KAZN: variants seen among roughly 807,000 people sequenced by gnomAD.
The protein encoded by KAZN is kazrin, periplakin interacting protein.
A neutral mutation model predicts 87.4 loss-of-function variants in KAZN; 40 were observed. That is an observed-to-expected ratio of 0.46 (90% CI 0.36 to 0.60). KAZN has a LOEUF of 0.60. KAZN is among the 20% of genes least tolerant of loss of function. The pLI is 0.00. For missense variants in KAZN, 898 were observed against 1,073.9 expected (o/e 0.84, Z 2.29); for synonymous variants, 466 against 458.3 (o/e 1.02, Z -0.22).
intron 1 of KAZN, among the ~76,000 whole-genome samples, chr1:14,757,911 A>C (rs1417375980): frequency 6.6e-6 from 1 of 152,118 alleles, no homozygotes; most frequent in Non-Finnish European, 1.5e-5. Context: ...GGAGGGAGGA[A>C]AGAGAGAGGG....
At chr1:14,412,084 G>A (rs2101200390) in intron 2 of KAZN, among the ~76,000 whole-genome samples, 1 of 152,236 alleles carries the variant, frequency 6.6e-6, no homozygotes, top group Admixed American at 6.5e-5. Context: ...CCTGTAACTT[G>A]ATGTTCATTC....
rs78728047 is a variant in KAZN at position 15,027,739 on chromosome 1, A to G, written c.419-7010A>G. Among the ~76,000 whole-genome samples the G allele has an allele frequency of 3.3e-3, 507 of 152,268 alleles. 10 individuals carry two copies. In the East Asian group the frequency reaches 0.047, roughly 14 times the overall value. ...ACCGATTCCTCCCTCCTCACCTCTG[A>G]GCGCATGTTTGTCCAGGGTACACCC... is the stretch of plus-strand genomic sequence containing the variant. On this transcript the variant is annotated intron_variant, in intron 2 of 14. Coordinates refer to ENST00000376030, the MANE Select transcript of KAZN (RefSeq NM_201628.3).
At chr1:14,614,320 C>T (rs1202911823) in intron 1 of KAZN, among the ~76,000 whole-genome samples, 1 of 152,236 alleles carries the variant, frequency 6.6e-6, no homozygotes, top group Non-Finnish European at 1.5e-5. Context: ...TTATAGTAAG[C>T]CTTCCTTTTA....
intron 1 of KAZN, among the ~76,000 whole-genome samples, chr1:14,777,731 G>T (rs897659076): frequency 6.6e-6 from 1 of 152,146 alleles, no homozygotes; most frequent in Admixed American, 6.5e-5. Context: ...CTTGACCGAG[G>T]ATACATATTG....
At chr1:14,090,639 G>A (rs1198867799) in intron 1 of KAZN, among the ~76,000 whole-genome samples, 1 of 152,112 alleles carries the variant, frequency 6.6e-6, no homozygotes, top group Non-Finnish European at 1.5e-5. Context: ...CTCTATTACT[G>A]TGACAATACT....
chr1:14,939,262 G>A (rs1438580767), intron 1 of KAZN, among the ~76,000 whole-genome samples: 6 of 147,378 alleles, frequency 4.1e-5, no homozygotes, highest in East Asian at 4.1e-4. Context: ...GTGAGCCACC[G>A]TGCCTGGCCT....
chr1:14,427,404 C>T (rs1490465011), intron 2 of KAZN, among the ~76,000 whole-genome samples: 2 of 152,110 alleles, frequency 1.3e-5, no homozygotes, highest in Non-Finnish European at 2.9e-5. Context: ...ACAAGATTGC[C>T]TAATATGGAG....
chr1:14,339,642 CT>C (rs1249037261), intron 2 of KAZN, among the ~76,000 whole-genome samples: 1 of 152,172 alleles, frequency 6.6e-6, no homozygotes. Context: ...GGAAGTCAGC[CT>C]TTTGTTTTAT....
chr1:14,703,060 G>A (rs970548482), intron 1 of KAZN, among the ~76,000 whole-genome samples: 1 of 152,142 alleles, frequency 6.6e-6, no homozygotes, highest in African/African-American at 2.4e-5. Context: ...GCTTTGAGAG[G>A]GTAAAAATTT....
intron 1 of KAZN, among the ~76,000 whole-genome samples, chr1:13,912,629 G>T (rs923756310): frequency 2.6e-4 from 39 of 151,988 alleles, no homozygotes; most frequent in African/African-American, 8.4e-4. Flanking sequence ...TTTGAGACAG[G>T]GTCTCACTCT....
intron 1 of KAZN, among the ~76,000 whole-genome samples, chr1:13,981,128 T>TGTA (rs375605048): frequency 1.5e-5 from 2 of 134,456 alleles, no homozygotes; most frequent in Admixed American, 7.4e-5. Context: ...TAAACACAGA[T>TGTA]TATATATAGT....
chr1:14,162,309 G>A (rs1645726085), intron 1 of KAZN, among the ~76,000 whole-genome samples: 1 of 152,098 alleles, frequency 6.6e-6, no homozygotes, highest in Admixed American at 6.5e-5. Context: ...AACATAGTGA[G>A]TATACTATAA....
At chr1:13,951,066 A>T (rs747183215) in intron 1 of KAZN, among the ~76,000 whole-genome samples, 1 of 152,186 alleles carries the variant, frequency 6.6e-6, no homozygotes, top group Non-Finnish European at 1.5e-5. Flanking sequence ...GCTAATACCC[A>T]GCCCTGTATT....
intron 1 of KAZN, among the ~76,000 whole-genome samples, chr1:14,809,211 G>A (rs1215075093): frequency 1.3e-5 from 2 of 152,204 alleles, no homozygotes; most frequent in Non-Finnish European, 2.9e-5. Flanking sequence ...CAAAATCAGA[G>A]CCTGGTGGCA....
chr1:14,601,872 A>G (rs984399984), intron 1 of KAZN, among the ~76,000 whole-genome samples: 3 of 152,242 alleles, frequency 2.0e-5, no homozygotes, highest in African/African-American at 7.2e-5. Flanking sequence ...CTTTTAACGA[A>G]AGGGCATTAT....
chr1:14,214,254 A>G (rs1646913996), intron 2 of KAZN, among the ~76,000 whole-genome samples: 3 of 115,600 alleles, frequency 2.6e-5, no homozygotes, highest in Non-Finnish European at 5.6e-5. Context: ...TGGAGTGTAC[A>G]TCGTTATCTG....
At chr1:14,560,235 C>T (rs537527607) in intron 2 of KAZN, among the ~76,000 whole-genome samples, 5 of 152,274 alleles carry the variant, frequency 3.3e-5, no homozygotes, top group Admixed American at 6.5e-5. Context: ...CTCAGTAGTC[C>T]TTTTAAGCTC....
intron 1 of KAZN, among the ~76,000 whole-genome samples, chr1:14,611,110 C>T (rs1050156786): frequency 6.6e-6 from 1 of 152,086 alleles, no homozygotes; most frequent in Non-Finnish European, 1.5e-5. Flanking sequence ...GGGAATGGGG[C>T]ATTTTTTTCT....
At chr1:14,043,076 A>G (rs1369153474) in intron 1 of KAZN, among the ~76,000 whole-genome samples, 1 of 152,092 alleles carries the variant, frequency 6.6e-6, no homozygotes, top group Non-Finnish European at 1.5e-5. Flanking sequence ...AACTCCTTCA[A>G]TCCCCACCCA....
Sources: allele counts gnomAD v4.1 joint callset (sites outside exome capture counted in the v4.1 genomes callset), GRCh38; gene constraint gnomAD v4.1.1; transcripts MANE v1.5; gene names NCBI Gene and HGNC (gene_info 2026-07-23, HGNC 2026-07-21).